Variants in ADAMTSL1 observed in about 807,000 individuals in gnomAD.
The protein encoded by ADAMTSL1 is ADAMTS like 1, also known as ADAMTS-like protein 1.
A neutral mutation model predicts 201.8 loss-of-function variants in ADAMTSL1; 126 were observed. That is an observed-to-expected ratio of 0.62 (90% CI 0.54 to 0.72). The LOEUF (loss-of-function observed/expected upper bound fraction) is 0.72. Ranked by LOEUF, ADAMTSL1 falls within the 30% of genes least tolerant of loss-of-function variation. The pLI, the probability that ADAMTSL1 is intolerant of heterozygous loss-of-function variation, is 0.00. For synonymous variants in ADAMTSL1, 1,121 were observed against 903.4 expected, an observed-to-expected ratio of 1.24 and a Z score of -4.32; for missense variants, 2,679 against 2,277.8, an observed-to-expected ratio of 1.18 and a Z score of -3.59.
chr9:18,073,196 G>T (rs536903490), intron 1 of ADAMTSL1, among the ~76,000 whole-genome samples: 1 of 152,176 alleles, frequency 6.6e-6, no homozygotes, highest in African/African-American at 2.4e-5. Flanking sequence ...TATATTGTTT[G>T]TCAGCTCTTC....
chr9:18,165,638 T>C (rs1827596528), intron 2 of ADAMTSL1, among the ~76,000 whole-genome samples: 2 of 151,956 alleles, frequency 1.3e-5, no homozygotes, highest in South Asian at 4.1e-4. Flanking sequence ...CCAACACAAG[T>C]AGTCACTCCA....
chr9:18,184,815 A>G (rs1265507080), intron 2 of ADAMTSL1, among the ~76,000 whole-genome samples: 1 of 152,224 alleles, frequency 6.6e-6, no homozygotes, highest in Non-Finnish European at 1.5e-5. Flanking sequence ...ATCACGTATT[A>G]AATACCTGGA....
chr9:18,340,042 C>T (rs932594026), intron 2 of ADAMTSL1, among the ~76,000 whole-genome samples: 3 of 152,188 alleles, frequency 2.0e-5, no homozygotes, highest in African/African-American at 7.2e-5. Context: ...GGCCACTTCA[C>T]ATCTGATGTT....
At chr9:18,211,647 G>T (rs982238509) in intron 2 of ADAMTSL1, among the ~76,000 whole-genome samples, 11 of 152,140 alleles carry the variant, frequency 7.2e-5, no homozygotes, top group African/African-American at 2.7e-4. Context: ...GCCTTCAGTT[G>T]CAAAAATGTG....
chr9:18,583,999 G>C (rs910270016), intron 4 of ADAMTSL1, among the ~76,000 whole-genome samples: 2 of 152,222 alleles, frequency 1.3e-5, no homozygotes, highest in African/African-American at 4.8e-5. Context: ...ACGATGGACT[G>C]TGGGCTTTTG....
At chr9:18,054,259 C>T (rs576174878) in intron 1 of ADAMTSL1, among the ~76,000 whole-genome samples, 34 of 152,234 alleles carry the variant, frequency 2.2e-4, no homozygotes, top group South Asian at 1.0e-3. Flanking sequence ...TAAATTTACA[C>T]GCAACCCTAC....
At chr9:18,184,728 GA>G (rs1334317207) in intron 2 of ADAMTSL1, among the ~76,000 whole-genome samples, 10 of 152,116 alleles carry the variant, frequency 6.6e-5, no homozygotes, top group Admixed American at 1.3e-4. Context: ...ATCTATAGAA[GA>G]AAAAAATATG....
chr9:18,568,106 C>T (rs1021513569), intron 3 of ADAMTSL1, among the ~76,000 whole-genome samples: 1 of 152,116 alleles, frequency 6.6e-6, no homozygotes, highest in African/African-American at 2.4e-5. Flanking sequence ...ACTAAAACCC[C>T]AGAAAGCAAA....
intron 2 of ADAMTSL1, among the ~76,000 whole-genome samples, chr9:18,306,273 G>A (rs1480457985): frequency 6.6e-6 from 1 of 152,162 alleles, no homozygotes; most frequent in Non-Finnish European, 1.5e-5. Context: ...CCAAAAATCA[G>A]AATGCTTCTT....
chr9:18,184,450 A>G (rs1828642439), intron 2 of ADAMTSL1, among the ~76,000 whole-genome samples: 1 of 152,182 alleles, frequency 6.6e-6, no homozygotes, highest in African/African-American at 2.4e-5. Context: ...CAGTATCAAA[A>G]TTTTCCATAG....
intron 1 of ADAMTSL1, among the ~76,000 whole-genome samples, chr9:18,477,263 A>C (rs1821499088): frequency 6.6e-6 from 1 of 152,146 alleles, no homozygotes; most frequent in Non-Finnish European, 1.5e-5. Flanking sequence ...TCAAATTTGC[A>C]TTTGCCTTTT....
At chr9:17,981,043 C>T (rs555430947) in intron 1 of ADAMTSL1, among the ~76,000 whole-genome samples, 4 of 152,166 alleles carry the variant, frequency 2.6e-5, no homozygotes, top group African/African-American at 9.7e-5. Context: ...AAGCCATTCA[C>T]GAGGGATTCA....
At chr9:18,073,564 A>G (rs1220274653) in intron 1 of ADAMTSL1, among the ~76,000 whole-genome samples, 1 of 152,192 alleles carries the variant, frequency 6.6e-6, no homozygotes, top group African/African-American at 2.4e-5. Flanking sequence ...CAGAAGCAAC[A>G]CAGCTCTGGA....
At chr9:18,819,659 G>A (rs1406652643) in intron 21 of ADAMTSL1, among the ~76,000 whole-genome samples, 2 of 152,146 alleles carry the variant, frequency 1.3e-5, no homozygotes, top group African/African-American at 2.4e-5. Context: ...TAACCTTATA[G>A]TGAGAACCTG....
chr9:18,376,885 C>T (rs532710652), intron 2 of ADAMTSL1, among the ~76,000 whole-genome samples: 2 of 152,246 alleles, frequency 1.3e-5, no homozygotes, highest in African/African-American at 4.8e-5. Context: ...TGTCTATATG[C>T]CATTGCAAAT....
chr9:18,357,328 A>G (rs1836296449), intron 2 of ADAMTSL1, among the ~76,000 whole-genome samples: 1 of 152,200 alleles, frequency 6.6e-6, no homozygotes, highest in African/African-American at 2.4e-5. Context: ...TTAATTAAAT[A>G]TATGTTGAGG....
At chr9:18,870,103 T>A (rs1442058905) in intron 23 of ADAMTSL1, among the ~76,000 whole-genome samples, 9 of 152,188 alleles carry the variant, frequency 5.9e-5, no homozygotes, top group Non-Finnish European at 1.3e-4. Flanking sequence ...ACTTGTCTAC[T>A]GATACATGCC....
chr9:18,068,389 A>G (rs1473647949), intron 1 of ADAMTSL1, among the ~76,000 whole-genome samples: 1 of 152,216 alleles, frequency 6.6e-6, no homozygotes, highest in African/African-American at 2.4e-5. Flanking sequence ...ACCTTGAATT[A>G]GGTATTATAA....
intron 8 of ADAMTSL1, among the ~76,000 whole-genome samples, chr9:18,661,068 A>G (rs1230772446): frequency 6.6e-6 from 1 of 152,214 alleles, no homozygotes; most frequent in East Asian, 1.9e-4. Flanking sequence ...TTCTCTATGC[A>G]CATTTATTTT....
Sources: allele counts gnomAD v4.1 joint callset (sites outside exome capture counted in the v4.1 genomes callset), GRCh38; gene constraint gnomAD v4.1.1; transcripts MANE v1.5; gene names NCBI Gene and HGNC (gene_info 2026-07-23, HGNC 2026-07-21).